Variants in CD44 observed in about 807,000 individuals in gnomAD.
The protein encoded by CD44 is CD44 molecule (IN blood group).
Under a neutral mutation model 88.8 loss-of-function variants are expected in CD44, and 49 were observed. The ratio of observed to expected loss-of-function variants is 0.55; its 90% CI spans 0.44 to 0.70. The LOEUF is 0.70. Ranked by LOEUF, CD44 falls within the 30% of genes least tolerant of loss-of-function variation. The probability of loss-of-function intolerance (pLI) is 0.00; values close to 1 mark genes in which losing one functional copy is unlikely to be tolerated. For synonymous variants in CD44, 325 were observed against 312.3 expected (o/e 1.04, Z -0.43); for missense variants, 883 against 913.8 (o/e 0.97, Z 0.43).
In CD44 at chr11:35,208,226, G is replaced by A. The variant is rs1474831154; in HGVS notation, c.1516+20G>A. 1.1e-5 allele frequency: 16 copies of A among 1,487,334 alleles called. No individual in the cohort carries two copies. Among genetic ancestry groups the A allele is most frequent in the Admixed American group, 5.0e-5 (3 of 59,846 alleles). 92.1% of individuals were successfully genotyped at this position (1,487,334 alleles called of 1,614,324 possible). On this transcript the variant is annotated intron_variant, in intron 12 of 17. Coordinates refer to ENST00000428726, the MANE Select transcript of CD44 (RefSeq NM_000610.4). The stretch of plus-strand genomic sequence containing the variant: ...CAACGCGTAAGAATAACGATGCTCA[G>A]CCACTTTATTGACTTGTATTCCTGC...
intron 14 of CD44, among the ~76,000 whole-genome samples, chr11:35,211,719 T>C (rs944973381): frequency 6.6e-6 from 1 of 151,812 alleles, no homozygotes; most frequent in Non-Finnish European, 1.5e-5. Context: ...GTGTACAAGT[T>C]GGCTGTTATG....
Position 35,177,274 on chromosome 11 carries a change from TTATTTTTGGGAGCCCTGAGAGGGCTCC to T in CD44, c.233+537_233+563del, listed in dbSNP as rs1427406279. 2.6e-5 allele frequency among the ~76,000 whole-genome samples: 4 copies of T among 152,202 alleles called. 1 individual carries two copies. Among genetic ancestry groups the T allele is most frequent in the East Asian group, 3.9e-4 (2 of 5,192 alleles). ...TTAAGCTATATTATATTAAGATATA[TTATTTTTGGGAGCCCTGAGAGGGCTCC>T]TACCAGTTATTCTAGAGCTGCATAG... On this transcript the variant is annotated intron_variant, in intron 2 of 17. Transcript: ENST00000428726.
intron 2 of CD44, among the ~76,000 whole-genome samples, chr11:35,179,009 T>C (rs948440548): frequency 2.0e-5 from 3 of 152,174 alleles, no homozygotes; most frequent in African/African-American, 7.2e-5. Context: ...AACTCTTAGA[T>C]ATATGAAAAC....
intron 10 of CD44, 63 bp from the exon 11 acceptor site, chr11:35,206,049 C>T (rs187641508): frequency 2.5e-4 from 376 of 1,487,560 alleles, no homozygotes; most frequent in Admixed American, 1.5e-3. Flanking sequence ...AAAATAAAAT[C>T]GGTGTATCCC....
chr11:35,217,267 C>CTT (rs5791042), intron 15 of CD44, among the ~76,000 whole-genome samples: 14 of 129,158 alleles, frequency 1.1e-4, no homozygotes, highest in South Asian at 9.8e-4. Context: ...AGCACTTCTT[C>CTT]TTTTTTTTTT....
chr11:35,188,490 A>G (rs1020634853), intron 4 of CD44, among the ~76,000 whole-genome samples: 2 of 152,232 alleles, frequency 1.3e-5, no homozygotes, highest in African/African-American at 4.8e-5. Context: ...TAGAGGTTTA[A>G]TAAATGCCCT....
chr11:35,208,833 A>G (rs1165641094), intron 12 of CD44, among the ~76,000 whole-genome samples: 1 of 152,236 alleles, frequency 6.6e-6, no homozygotes, highest in Non-Finnish European at 1.5e-5. Flanking sequence ...AAAGTCGTTC[A>G]TAATTTCTTT....
chr11:35,211,060 T>C (rs1302666838), intron 13 of CD44, among the ~76,000 whole-genome samples, 186 bp from the exon 14 acceptor site: 4 of 152,256 alleles, frequency 2.6e-5, no homozygotes, highest in African/African-American at 9.6e-5. Context: ...TGTTGAGTGA[T>C]GTCCAAGTAG....
At chr11:35,205,974 C>A (rs1211859487) in intron 10 of CD44, 138 bp from the exon 11 acceptor site, 3 of 1,293,756 alleles carry the variant, frequency 2.3e-6, no homozygotes, top group Non-Finnish European at 2.9e-6. Flanking sequence ...GTTTATGCAA[C>A]TTCCTTGCCC....
At chr11:35,155,770 C>T (rs1941782453) in intron 1 of CD44, among the ~76,000 whole-genome samples, 1 of 152,134 alleles carries the variant, frequency 6.6e-6, no homozygotes, top group Non-Finnish European at 1.5e-5. Context: ...TTCCTACGAA[C>T]CTGAATGAGC....
intron 1 of CD44, among the ~76,000 whole-genome samples, chr11:35,146,958 CTCAT>C (rs1311113867): frequency 1.3e-5 from 2 of 152,320 alleles, no homozygotes; most frequent in Non-Finnish European, 2.9e-5. Context: ...TCTGAGTTGA[CTCAT>C]TCATTCTGAT....
intron 6 of CD44, chr11:35,197,747 G>T: frequency 1.9e-5 from 3 of 158,830 alleles, no homozygotes; most frequent in Non-Finnish European, 2.7e-5. Context: ...AGGCACGTGT[G>T]AAACCTTTCC....
intron 3 of CD44, among the ~76,000 whole-genome samples, chr11:35,180,723 C>G (rs1451711220): frequency 6.6e-6 from 1 of 152,108 alleles, no homozygotes; most frequent in Non-Finnish European, 1.5e-5. Flanking sequence ...AGCTAAAACA[C>G]AAACAAAAAT....
At chr11:35,203,009 C>T (rs1295573960) in intron 9 of CD44, among the ~76,000 whole-genome samples, 2 of 152,188 alleles carry the variant, frequency 1.3e-5, no homozygotes, top group East Asian at 1.9e-4. Context: ...GTGGTGCTTG[C>T]GGGGCATTAG....
At chr11:35,165,538 T>A (rs959207218) in intron 1 of CD44, among the ~76,000 whole-genome samples, 7 of 152,346 alleles carry the variant, frequency 4.6e-5, no homozygotes, top group Middle Eastern at 3.4e-3. Context: ...CAAAGCCTGA[T>A]GTACTTTAAT....
At chr11:35,162,850 A>C (rs147880938) in intron 1 of CD44, among the ~76,000 whole-genome samples, 29 of 152,122 alleles carry the variant, frequency 1.9e-4, no homozygotes, top group Non-Finnish European at 3.8e-4. Context: ...CCTGCTTCTT[A>C]TGTGCATGCT....
At chr11:35,156,895 A>G (rs769278834) in intron 1 of CD44, among the ~76,000 whole-genome samples, 3 of 152,196 alleles carry the variant, frequency 2.0e-5, no homozygotes, top group Non-Finnish European at 4.4e-5. Flanking sequence ...TTGGCTGTGC[A>G]TGGTGGCATG....
chr11:35,189,702 C>T (rs966819494), intron 4 of CD44, 133 bp from the exon 5 acceptor site: 1 of 668,664 alleles, frequency 1.5e-6, no homozygotes, highest in Non-Finnish European at 2.7e-6. Context: ...ATCTGCCACT[C>T]TCTCCCACCA....
Position 35,229,520 on chromosome 11 carries a change from C to T in CD44, c.*187C>T, listed in dbSNP as rs992949644. 1.2e-5 allele frequency: 7 copies of T among 562,642 alleles called. No individual in the cohort carries two copies. The highest frequency in any genetic ancestry group is 1.9e-5 in the Non-Finnish European group (6 of 317,390). 34.9% of individuals were successfully genotyped at this position (562,642 alleles called of 1,614,324 possible). A position where few individuals can be genotyped will look rare whatever the true frequency, so the allele number is the denominator to read the frequency against. The stretch of plus-strand genomic sequence containing the variant: ...AGTCAGGTCCAATTTGTAAAAACAG[C>T]ATTGCTTTCTGAAATTAGGGCCCAA... On this transcript the variant is annotated 3_prime_UTR_variant, in exon 18 of 18. Transcript: ENST00000428726.
Sources: gnomAD v4.1 joint callset for allele counts (sites outside exome capture counted in the v4.1 genomes callset) on GRCh38, gnomAD v4.1.1 for gene constraint, MANE v1.5 for transcripts, NCBI Gene and HGNC (gene_info 2026-07-23, HGNC 2026-07-21) for gene names.